The following METTL25 variants were observed in gnomAD, a reference collection of about 807,000 sequenced individuals.
METTL25 encodes the protein methyltransferase like 25.
METTL25 carries 64 observed loss-of-function variants against 71.6 expected under a neutral mutation model. The observed-to-expected ratio is 0.89, with a 90% CI of 0.73 to 1.10. The LOEUF is 1.10. METTL25 is among the 50% of genes least tolerant of loss of function. The pLI is 0.00. For missense variants in METTL25, 807 were observed against 707.0 expected (o/e 1.14, Z -1.60); for synonymous variants, 287 against 250.3 (o/e 1.15, Z -1.38).
chr12:82,373,527 G>A (rs928374880), intron 1 of METTL25, among the ~76,000 whole-genome samples: 8 of 152,164 alleles, frequency 5.3e-5, no homozygotes, highest in Admixed American at 1.3e-4. Context: ...TTTTAGAAGC[G>A]GGACTAGCCT....
At chr12:82,447,640 G>C (rs1170821974) in intron 8 of METTL25, among the ~76,000 whole-genome samples, 1 of 152,142 alleles carries the variant, frequency 6.6e-6, no homozygotes, top group African/African-American at 2.4e-5. Context: ...GTTGCGGGGA[G>C]CAGTGGATTA....
intron 9 of METTL25, among the ~76,000 whole-genome samples, chr12:82,465,991 G>T (rs76389132): frequency 6.4e-5 from 9 of 141,170 alleles, no homozygotes; most frequent in Non-Finnish European, 7.7e-5. Context: ...CTTCTTGCCT[G>T]TTTTTTTTTT....
chr12:82,361,873 A>G (rs1039229720), intron 1 of METTL25, among the ~76,000 whole-genome samples: 2 of 152,218 alleles, frequency 1.3e-5, no homozygotes, highest in African/African-American at 4.8e-5. Flanking sequence ...CCCACAGTGC[A>G]GTGGTGGGCT....
At chr12:82,407,910 C>A (rs543299050) in intron 5 of METTL25, 7 of 984,568 alleles carry the variant, frequency 7.1e-6, no homozygotes, top group Non-Finnish European at 8.4e-6. Flanking sequence ...ACTCCATCTC[C>A]ATTTTTCTCA....
At chr12:82,426,693 C>A (rs1318987528) in intron 5 of METTL25, among the ~76,000 whole-genome samples, 1 of 151,956 alleles carries the variant, frequency 6.6e-6, no homozygotes, top group Non-Finnish European at 1.5e-5. Context: ...TATTATGCTC[C>A]ACTTCTCCAA....
chr12:82,416,529 G>C (rs1426278320), intron 5 of METTL25, among the ~76,000 whole-genome samples: 1 of 148,344 alleles, frequency 6.7e-6, no homozygotes, highest in Admixed American at 6.8e-5. Context: ...CTGTAGCCTC[G>C]ACCTGGGTTC....
At chr12:82,381,919 A>G (rs1447770667) in intron 1 of METTL25, among the ~76,000 whole-genome samples, 1 of 152,252 alleles carries the variant, frequency 6.6e-6, no homozygotes, top group Non-Finnish European at 1.5e-5. Flanking sequence ...ACTGGAGAGC[A>G]TTAACAAGGT....
chr12:82,445,330 A>G (rs1030441039), intron 8 of METTL25, among the ~76,000 whole-genome samples: 1 of 152,150 alleles, frequency 6.6e-6, no homozygotes, highest in Non-Finnish European at 1.5e-5. Context: ...ACAAACACAG[A>G]CAATATGTGG....
intron 1 of METTL25, among the ~76,000 whole-genome samples, chr12:82,359,400 C>T (rs1881493585): frequency 6.6e-6 from 1 of 152,102 alleles, no homozygotes; most frequent in Non-Finnish European, 1.5e-5. Flanking sequence ...GGGAGGCAAG[C>T]AGAGGCCAGA....
At chr12:82,450,252 C>T (rs149773625) in intron 8 of METTL25, among the ~76,000 whole-genome samples, 213 of 152,148 alleles carry the variant, frequency 1.4e-3, no homozygotes, top group African/African-American at 4.6e-3. Flanking sequence ...ATCATCTATA[C>T]TGGTGAATCC....
intron 8 of METTL25, among the ~76,000 whole-genome samples, chr12:82,449,859 G>A (rs966041115): frequency 6.6e-6 from 1 of 151,884 alleles, no homozygotes; most frequent in African/African-American, 2.4e-5. Context: ...TTCCTTTATA[G>A]CAAAATTCCT....
chr12:82,406,405 TTA>T (rs1887095296), intron 5 of METTL25, among the ~76,000 whole-genome samples: 1 of 152,198 alleles, frequency 6.6e-6, no homozygotes, highest in South Asian at 2.1e-4. Context: ...TTCTATATTC[TTA>T]TATGTTTTAG....
chr12:82,384,182 T>C (rs376615020), intron 1 of METTL25, among the ~76,000 whole-genome samples: 1 of 152,166 alleles, frequency 6.6e-6, no homozygotes, highest in Non-Finnish European at 1.5e-5. Context: ...TCATAAAAAA[T>C]CTAAGTACTA....
intron 9 of METTL25, among the ~76,000 whole-genome samples, chr12:82,467,349 T>C (rs1383062843): frequency 6.6e-6 from 1 of 152,118 alleles, no homozygotes; most frequent in African/African-American, 2.4e-5. Context: ...TTCTCTTTTG[T>C]GTATCACCCT....
At chr12:82,413,215 A>G (rs573884369) in intron 5 of METTL25, among the ~76,000 whole-genome samples, 1 of 152,164 alleles carries the variant, frequency 6.6e-6, no homozygotes, top group East Asian at 1.9e-4. Context: ...TGATGAGAAC[A>G]TAAGAGCCAA....
At chr12:82,388,152 C>G (rs796336877) in intron 2 of METTL25, among the ~76,000 whole-genome samples, 7 of 152,178 alleles carry the variant, frequency 4.6e-5, no homozygotes, top group African/African-American at 1.7e-4. Context: ...GAGTACTACT[C>G]AAGTGATTCC....
intron 1 of METTL25, chr12:82,369,460 G>C (rs1276034103): frequency 2.2e-6 from 1 of 450,314 alleles, no homozygotes. Context: ...TCTTAAAGAT[G>C]GTGTGTCCGG....
At chr12:82,394,442 C>G (rs1885896454) in intron 3 of METTL25, among the ~76,000 whole-genome samples, 1 of 151,998 alleles carries the variant, frequency 6.6e-6, no homozygotes, top group Non-Finnish European at 1.5e-5. Flanking sequence ...CCATATTGCT[C>G]CCTACATGCC....
intron 2 of METTL25, among the ~76,000 whole-genome samples, 195 bp downstream of exon 2, chr12:82,387,162 C>A (rs1565817875): frequency 6.6e-6 from 1 of 152,072 alleles, no homozygotes; most frequent in African/African-American, 2.4e-5. Context: ...TTGTAGATGT[C>A]CACATTTTTT....
Sources: gnomAD v4.1 joint callset for allele counts (sites outside exome capture counted in the v4.1 genomes callset) on GRCh38, gnomAD v4.1.1 for gene constraint, MANE v1.5 for transcripts, NCBI Gene and HGNC (gene_info 2026-07-23, HGNC 2026-07-21) for gene names.